LYST: variants seen among roughly 807,000 people sequenced by gnomAD.
LYST encodes the protein lysosomal-trafficking regulator.
In LYST, 192 loss-of-function variants were observed where a neutral mutation model predicts 413.6. That is an observed-to-expected ratio of 0.46 (90% CI 0.41 to 0.52). The LOEUF (loss-of-function observed/expected upper bound fraction) is 0.52. LYST is among the 20% of genes least tolerant of loss of function. The pLI, the probability that LYST is intolerant of heterozygous loss-of-function variation, is 0.00. For synonymous variants in LYST, 1,525 were observed against 1,567.3 expected (o/e 0.97, Z 0.64); for missense variants, 3,815 against 4,499.9 (o/e 0.85, Z 4.35).
intron 50 of LYST, among the ~76,000 whole-genome samples, chr1:235,670,173 C>T (rs1055235673): frequency 6.6e-6 from 1 of 152,188 alleles, no homozygotes; most frequent in Non-Finnish European, 1.5e-5. Flanking sequence ...TCCTCCCCTC[C>T]TCTTGCAAAC....
chr1:235,708,535 G>A (rs1662165664), intron 44 of LYST, among the ~76,000 whole-genome samples: 1 of 152,140 alleles, frequency 6.6e-6, no homozygotes, highest in African/African-American at 2.4e-5. Context: ...TACAAACAAT[G>A]CAGTTTATAC....
At chr1:235,765,956 C>T in intron 21 of LYST, 123 bp downstream of exon 21, 1 of 828,012 alleles carries the variant, frequency 1.2e-6, no homozygotes, top group Non-Finnish European at 2.1e-6. Context: ...TGCCCTATCC[C>T]AACCCCAATA....
At chr1:235,720,978 A>G in intron 39 of LYST, 73 bp from the exon 40 acceptor site, 1 of 1,442,574 alleles carries the variant, frequency 6.9e-7, no homozygotes, top group Non-Finnish European at 9.7e-7. Flanking sequence ...CAAAGAACCC[A>G]TGACATTATA....
At chr1:235,735,977 T>C (rs1038518165) in intron 31 of LYST, 27 of 152,288 alleles carry the variant, frequency 1.8e-4, no homozygotes, top group African/African-American at 6.3e-4. Context: ...GGTAATGATC[T>C]TGATATAACT....
At chr1:235,709,010 A>C in intron 44 of LYST, 81 bp downstream of exon 44, 4 of 1,278,682 alleles carry the variant, frequency 3.1e-6, no homozygotes, top group Non-Finnish European at 4.6e-6. Flanking sequence ...GAGTGTTTTA[A>C]AGGAATGGCC....
chr1:235,828,001 C>T (rs1675527025), intron 3 of LYST: 1 of 380,212 alleles, frequency 2.6e-6, no homozygotes, highest in Non-Finnish European at 3.6e-6. Context: ...ATACAAATGG[C>T]CAATAAGCAA....
intron 1 of LYST, among the ~76,000 whole-genome samples, chr1:235,845,417 A>C (rs1220379248): frequency 6.6e-6 from 1 of 152,194 alleles, no homozygotes; most frequent in Non-Finnish European, 1.5e-5. Flanking sequence ...AGCAGGGGGT[A>C]AAACCCCACA....
At position 235,712,120 on chromosome 1, in the gene LYST, T is replaced by A; in HGVS notation, c.9862A>T (p.Thr3288Ser). ...TWRLSSFESM[T>S]DVKELIPEFF... ...TCTGGGATAAGTTCTTTCACATCAGTCATAGATTCAAAAGATGAGAGTCGC... is the reference window on the plus strand; with the variant it reads ...TCTGGGATAAGTTCTTTCACATCAGACATAGATTCAAAAGATGAGAGTCGC... Residue 3288 changes from threonine (T) to serine (S), a missense_variant, in exon 43 of 53, where the codon ACT becomes TCT. Transcript: ENST00000389793. The A allele has an allele frequency of 1.7e-5, 26 of 1,570,600 alleles. No homozygotes were observed. Among genetic ancestry groups the A allele is most frequent in the Non-Finnish European group, 2.3e-5 (26 of 1,153,170 alleles).
At chr1:235,849,437 T>C (rs938529113) in intron 1 of LYST, among the ~76,000 whole-genome samples, 7 of 152,036 alleles carry the variant, frequency 4.6e-5, no homozygotes, top group Non-Finnish European at 8.8e-5. Flanking sequence ...GTTGAAAGCA[T>C]TCCCTCTGAG....
Position 235,766,166 on chromosome 1 carries a change from T to C in LYST, c.6034A>G (p.Ile2012Val), listed in dbSNP as rs1234641413. 1.9e-6 allele frequency: 3 copies of C among 1,612,896 alleles called. 1 individual carries two copies. The highest frequency in any genetic ancestry group is 2.2e-5 in the South Asian group (2 of 91,058). Reference protein sequence around the residue: ...SPPDLELLTIIFNFLLAVHPP... With the variant: ...SPPDLELLTIVFNFLLAVHPP... ...TGAACTGCTAAAAGGAAATTGAAGA[T>C]AATTGTCAATAATTCCAAATCTGGA... Residue 2012 changes from isoleucine to valine, a missense_variant, in exon 21 of 53, where the codon ATC (isoleucine) becomes GTC (valine). By Grantham distance (29) the Ile-to-Val change is conservative (BLOSUM62 3). Around this residue, in one of 4 missense-constraint regions of LYST, gnomAD observed 530 missense variants for 696.5 expected, o/e 0.76. Transcript: ENST00000389793.
intron 22 of LYST, among the ~76,000 whole-genome samples, chr1:235,762,193 A>G (rs191283240): frequency 6.6e-6 from 1 of 152,338 alleles, no homozygotes; most frequent in East Asian, 1.9e-4. Flanking sequence ...AGTATTTGAA[A>G]ATGTTTCAGA....
chr1:235,730,980 T>C (rs1425247541), intron 35 of LYST, 37 bp from the exon 36 acceptor site: 3 of 1,605,426 alleles, frequency 1.9e-6, no homozygotes, highest in East Asian at 2.2e-5. Context: ...CTTTATCTAA[T>C]GACCATAGTT....
At chr1:235,882,078 T>TCACACACA (rs71174466) in intron 1 of LYST, among the ~76,000 whole-genome samples, 4,264 of 145,804 alleles carry the variant, frequency 0.029, 71 homozygotes, top group Middle Eastern at 0.045. Context: ...ACTCTTTCTT[T>TCACACACA]CACACACACA....
At chr1:235,724,392 G>A (rs1392634907) in intron 38 of LYST, among the ~76,000 whole-genome samples, 2 of 152,114 alleles carry the variant, frequency 1.3e-5, no homozygotes, top group East Asian at 1.9e-4. Flanking sequence ...TTTTAGACTA[G>A]TTTTAGGTTT....
chr1:235,837,866 TAA>T (rs1293891695), intron 1 of LYST, among the ~76,000 whole-genome samples: 7 of 149,996 alleles, frequency 4.7e-5, no homozygotes, highest in Non-Finnish European at 1.0e-4. Flanking sequence ...TAAGTGAGGT[TAA>T]AAAAAAACCT....
chr1:235,816,586 A>G (rs1480295833), intron 3 of LYST, among the ~76,000 whole-genome samples: 2 of 152,180 alleles, frequency 1.3e-5, no homozygotes, highest in African/African-American at 4.8e-5. Flanking sequence ...ATGGAATAAG[A>G]AAAGACTCTG....
intron 1 of LYST, among the ~76,000 whole-genome samples, chr1:235,844,493 TG>T (rs1385172074): frequency 2.6e-5 from 4 of 152,176 alleles, no homozygotes; most frequent in Admixed American, 6.5e-5. Context: ...ACATATGTTT[TG>T]GGGGGTAATT....
intron 34 of LYST, among the ~76,000 whole-genome samples, chr1:235,731,892 T>A (rs1320077301): frequency 6.6e-6 from 1 of 152,144 alleles, no homozygotes; most frequent in Non-Finnish European, 1.5e-5. Flanking sequence ...ACAAATAAAA[T>A]CAATTTCTTT....
At chr1:235,820,280 G>C (rs1037594076) in intron 3 of LYST, among the ~76,000 whole-genome samples, 3 of 152,226 alleles carry the variant, frequency 2.0e-5, no homozygotes, top group African/African-American at 7.2e-5. Flanking sequence ...GCACCAGATG[G>C]CTAGGGTTCA....
Sources: allele counts gnomAD v4.1 joint callset (sites outside exome capture counted in the v4.1 genomes callset), GRCh38; gene constraint gnomAD v4.1.1; regional missense constraint gnomAD v4.1.1; transcripts MANE v1.5; gene names NCBI Gene and HGNC (gene_info 2026-07-23, HGNC 2026-07-21).